MARCHF1: variants seen among roughly 807,000 people sequenced by gnomAD.
MARCHF1 encodes the protein E3 ubiquitin-protein ligase MARCHF1.
Under a neutral mutation model 54.2 loss-of-function variants are expected in MARCHF1, and 40 were observed. The observed-to-expected ratio is 0.74, with a 90% CI of 0.57 to 0.96. MARCHF1 has a LOEUF of 0.96. MARCHF1 is among the 40% of genes least tolerant of loss of function. The probability of loss-of-function intolerance (pLI) is 0.00; values close to 1 mark genes in which losing one functional copy is unlikely to be tolerated. For synonymous variants in MARCHF1, 236 were observed against 236.3 expected (o/e 1.00, Z 0.01); for missense variants, 586 against 656.5 (o/e 0.89, Z 1.17).
intron 8 of MARCHF1, among the ~76,000 whole-genome samples, chr4:163,575,489 A>G (rs1205786257): frequency 1.3e-5 from 2 of 152,064 alleles, no homozygotes; most frequent in African/African-American, 4.8e-5. Context: ...ATCTATGTTC[A>G]TCAGGGTTGC....
intron 3 of MARCHF1, among the ~76,000 whole-genome samples, chr4:163,876,588 G>T (rs1243538266): frequency 2.0e-5 from 3 of 152,106 alleles, no homozygotes; most frequent in African/African-American, 7.2e-5. Context: ...GCAGTTTAAA[G>T]TATTCTTATG....
In MARCHF1 at chr4:163,780,228, A is replaced by G. The variant is rs148797591; in HGVS notation, c.111+73793T>C. 6.8e-3 allele frequency among the ~76,000 whole-genome samples: 1,036 copies of G among 152,344 alleles called. 8 individuals carry two copies. The highest frequency in any genetic ancestry group is 0.03 in the South Asian group (147 of 4,832). On this transcript the variant is annotated intron_variant, in intron 4 of 9. Transcript: ENST00000514618. Reference sequence around the variant, plus strand: ...AGAATGCAGAGCCCCAAGAAGGGGAATCTTCCTTAATGCCTTTCTCATATG... The same window carrying G: ...AGAATGCAGAGCCCCAAGAAGGGGAGTCTTCCTTAATGCCTTTCTCATATG...
At chr4:163,992,916 CA>C (rs1307972343) in intron 2 of MARCHF1, among the ~76,000 whole-genome samples, 36 of 151,774 alleles carry the variant, frequency 2.4e-4, no homozygotes, top group Admixed American at 2.4e-3. Flanking sequence ...TATTTCACTA[CA>C]AATCCCTGGT....
chr4:163,720,633 C>T (rs1039889153), intron 4 of MARCHF1, among the ~76,000 whole-genome samples: 8 of 152,150 alleles, frequency 5.3e-5, no homozygotes, highest in Non-Finnish European at 1.2e-4. Flanking sequence ...TGGCCATTTT[C>T]ACGATATTGA....
intron 1 of MARCHF1, chr4:164,135,510 A>T (rs1037262499): frequency 1.3e-5 from 2 of 152,214 alleles, no homozygotes; most frequent in African/African-American, 4.8e-5. Flanking sequence ...AACAAGAAGG[A>T]GAAGAAGAAT....
intron 5 of MARCHF1, among the ~76,000 whole-genome samples, chr4:163,679,457 T>C (rs1413329501): frequency 6.6e-6 from 1 of 152,132 alleles, no homozygotes; most frequent in Non-Finnish European, 1.5e-5. Flanking sequence ...AACATCATCT[T>C]AGTCTTCTCT....
At chr4:164,099,689 A>G (rs1015585474) in intron 2 of MARCHF1, among the ~76,000 whole-genome samples, 1 of 152,184 alleles carries the variant, frequency 6.6e-6, no homozygotes, top group Non-Finnish European at 1.5e-5. Flanking sequence ...ATTATGCGGG[A>G]AAAACAAATG....
intron 1 of MARCHF1, among the ~76,000 whole-genome samples, chr4:164,288,498 C>T (rs1233357270): frequency 6.6e-6 from 1 of 150,974 alleles, no homozygotes; most frequent in Non-Finnish European, 1.5e-5. Flanking sequence ...GCTAAATGAA[C>T]AAAAACTGAA....
At chr4:163,863,320 G>A (rs1045886345) in intron 3 of MARCHF1, among the ~76,000 whole-genome samples, 12 of 152,054 alleles carry the variant, frequency 7.9e-5, no homozygotes, top group African/African-American at 1.2e-4. Context: ...AGTCTGAAAG[G>A]TTAAAGGCAA....
intron 1 of MARCHF1, among the ~76,000 whole-genome samples, chr4:164,212,859 G>C (rs543868271): frequency 6.6e-6 from 1 of 152,102 alleles, no homozygotes; most frequent in Admixed American, 6.5e-5. Context: ...AAGGTATTGT[G>C]TTTATGCAAT....
chr4:164,092,711 T>C (rs1755330482), intron 2 of MARCHF1, among the ~76,000 whole-genome samples: 1 of 152,150 alleles, frequency 6.6e-6, no homozygotes, highest in Admixed American at 6.6e-5. Context: ...ACTGTTTTAA[T>C]TTAATTGGAT....
chr4:163,549,561 A>C (rs1384739185), intron 8 of MARCHF1, among the ~76,000 whole-genome samples: 2 of 152,194 alleles, frequency 1.3e-5, no homozygotes, highest in Non-Finnish European at 2.9e-5. Context: ...GGATGAGCTA[A>C]GATTAGGCAA....
chr4:164,271,581 GT>G (rs1481880915), intron 1 of MARCHF1, among the ~76,000 whole-genome samples: 1 of 152,046 alleles, frequency 6.6e-6, no homozygotes, highest in Non-Finnish European at 1.5e-5. Flanking sequence ...ATAAGTTTGT[GT>G]TATTTTAGGT....
chr4:164,131,039 A>G (rs1756290382), intron 1 of MARCHF1, among the ~76,000 whole-genome samples: 1 of 152,172 alleles, frequency 6.6e-6, no homozygotes, highest in African/African-American at 2.4e-5. Flanking sequence ...TTCATAAACC[A>G]TGTGAAAATC....
At chr4:163,555,022 T>C (rs978340482) in intron 8 of MARCHF1, among the ~76,000 whole-genome samples, 4 of 152,062 alleles carry the variant, frequency 2.6e-5, no homozygotes, top group African/African-American at 4.8e-5. Flanking sequence ...ATTTGTAATA[T>C]AGAAAAAAAG....
At position 164,157,683 on chromosome 4, in the gene MARCHF1, C is replaced by G. The variant is rs371492063; in HGVS notation, c.-322-46021G>C. Among the ~76,000 whole-genome samples the G allele has an allele frequency of 3.2e-4, 49 of 152,202 alleles. 1 individual carries two copies. In the South Asian group the frequency reaches 9.5e-3, roughly 30 times the overall value. On this transcript the variant is annotated intron_variant, in intron 1 of 9. Coordinates refer to ENST00000514618, the MANE Select transcript of MARCHF1 (RefSeq NM_001394959.1). ...GTGCAAGTCCAGTCTCTGCCTTCAT[C>G]CCGGTGTGGTGCTCTCCTTGTGTGT...
chr4:164,318,828 T>TA (rs985278455), intron 1 of MARCHF1, among the ~76,000 whole-genome samples: 4 of 152,154 alleles, frequency 2.6e-5, no homozygotes, highest in African/African-American at 7.2e-5. Flanking sequence ...GTACTTGTTA[T>TA]AAAAAAATTG....
intron 1 of MARCHF1, among the ~76,000 whole-genome samples, chr4:164,284,964 C>T (rs1734108274): frequency 6.6e-6 from 1 of 151,160 alleles, no homozygotes; most frequent in African/African-American, 2.4e-5. Flanking sequence ...TTTTGTTTTT[C>T]TTTCATGAAC....
At chr4:163,781,012 A>C (rs1396859837) in intron 4 of MARCHF1, among the ~76,000 whole-genome samples, 2 of 152,220 alleles carry the variant, frequency 1.3e-5, no homozygotes, top group Non-Finnish European at 2.9e-5. Context: ...GATAGAATGT[A>C]AGTCTTGACT....
Sources: gnomAD v4.1 joint callset for allele counts (sites outside exome capture counted in the v4.1 genomes callset) on GRCh38, gnomAD v4.1.1 for gene constraint, MANE v1.5 for transcripts, NCBI Gene and HGNC (gene_info 2026-07-23, HGNC 2026-07-21) for gene names.